SLIT2: variants seen among roughly 807,000 people sequenced by gnomAD.
SLIT2 encodes slit homolog 2 protein.
SLIT2 carries 41 observed loss-of-function variants against 185.7 expected under a neutral mutation model. That is an observed-to-expected ratio of 0.22 (90% CI 0.17 to 0.29). The LOEUF (loss-of-function observed/expected upper bound fraction) is 0.29, where lower values mean the gene tolerates loss of function less well. Among genes scored for constraint, SLIT2 ranks in the 10% least tolerant of loss-of-function variants. The pLI, the probability that SLIT2 is intolerant of heterozygous loss-of-function variation, is 1.00. For synonymous variants in SLIT2, 693 were observed against 680.2 expected, an observed-to-expected ratio of 1.02 and a Z score of -0.29; for missense variants, 1,571 against 1,909.0, an observed-to-expected ratio of 0.82 and a Z score of 3.30.
At position 20,617,011 on chromosome 4, in the gene SLIT2, C is replaced by T; in HGVS notation, c.3949C>T (p.Leu1317=). 1 of 1,614,178 alleles carries T rather than the reference C, an allele frequency of 6.2e-7. No individual in the cohort carries two copies. Among genetic ancestry groups the T allele is most frequent in the Non-Finnish European group, 8.5e-7 (1 of 1,180,030 alleles). The change falls in exon 35 of 37, where the codon CTG becomes TTG. Residue 1317 remains leucine (L), a synonymous_variant. Coordinates refer to ENST00000504154, the MANE Select transcript of SLIT2 (RefSeq NM_004787.4). The part of the protein sequence containing the change: ...CIRNLYINSE[L]QDFQKVPMQT... ...CCGGAACCTTTACATCAACAGTGAG[C>T]TGCAGGACTTCCAGAAGGTGCCGAT...
chr4:20,477,024 A>G (rs1716175095), intron 5 of SLIT2, among the ~76,000 whole-genome samples: 1 of 152,108 alleles, frequency 6.6e-6, no homozygotes, highest in South Asian at 2.1e-4. Flanking sequence ...TGAGGCATAC[A>G]GTGGTATCTC....
intron 29 of SLIT2, among the ~76,000 whole-genome samples, chr4:20,573,651 T>G (rs1007111519): frequency 4.6e-5 from 7 of 152,176 alleles, no homozygotes; most frequent in Non-Finnish European, 1.0e-4. Context: ...TAGATAAGGC[T>G]GTAGATAGAA....
intron 29 of SLIT2, among the ~76,000 whole-genome samples, chr4:20,579,817 CATT>C (rs1726387490): frequency 6.6e-6 from 1 of 151,420 alleles, no homozygotes; most frequent in Admixed American, 6.6e-5. Flanking sequence ...ATACTATCTT[CATT>C]ATTCATTCAT....
Position 20,466,706 on chromosome 4 carries a change from A to G in SLIT2, c.396-1046A>G, listed in dbSNP as rs150520004. Reference sequence around the variant, plus strand: ...GGAGAGGATGTGGATGAGTCTGTCCAATATGCCTTCTCATATTGGAAAATG... The same window carrying G: ...GGAGAGGATGTGGATGAGTCTGTCCGATATGCCTTCTCATATTGGAAAATG... On this transcript the variant is annotated intron_variant, in intron 4 of 36. Transcript: ENST00000504154. Among the ~76,000 whole-genome samples, 23 of 152,258 alleles carry G rather than the reference A, an allele frequency of 1.5e-4. No individual in the cohort carries two copies. In the East Asian group the frequency reaches 4.4e-3, roughly 29 times the overall value.
rs539871215 is a variant in SLIT2, at chr4:20,456,554, C to T, written c.396-11198C>T. Among the ~76,000 whole-genome samples the T allele has an allele frequency of 3.5e-3, 527 of 152,206 alleles. 3 individuals are homozygous for T. The highest frequency in any genetic ancestry group is 2.5e-3 in the Non-Finnish European group (173 of 67,998). On this transcript the variant is annotated intron_variant, in intron 4 of 36. Coordinates refer to ENST00000504154, the MANE Select transcript of SLIT2 (RefSeq NM_004787.4). The stretch of plus-strand genomic sequence containing the variant: ...ATGTCATCCTGGGTTGATGTCTGCT[C>T]TTTACTCACATATGCATGGCTGATC...
chr4:20,616,838 C>G, intron 34 of SLIT2, 72 bp from the exon 35 acceptor site: 2 of 1,488,386 alleles, frequency 1.3e-6, no homozygotes, highest in Non-Finnish European at 1.8e-6. Context: ...TCCCAAGCAT[C>G]AGTATTTCTG....
At chr4:20,500,718 AT>A (rs1718653540) in intron 9 of SLIT2, among the ~76,000 whole-genome samples, 1 of 152,268 alleles carries the variant, frequency 6.6e-6, no homozygotes, top group African/African-American at 2.4e-5. Context: ...AATTCTTTTA[AT>A]TTTTTTGTAG....
At chr4:20,559,665 A>T (rs2148902976) in intron 26 of SLIT2, among the ~76,000 whole-genome samples, 1 of 152,080 alleles carries the variant, frequency 6.6e-6, no homozygotes, top group East Asian at 1.9e-4. Flanking sequence ...CCATTCTTAT[A>T]GTGAAAACTA....
intron 4 of SLIT2, among the ~76,000 whole-genome samples, chr4:20,341,528 C>G (rs1720963986): frequency 6.6e-6 from 1 of 152,194 alleles, no homozygotes; most frequent in Non-Finnish European, 1.5e-5. Flanking sequence ...TCCACACGAA[C>G]CAGGAGCAGC....
rs1191025385 is a variant in SLIT2, at chr4:20,472,255, G to GATATAGATCTATAT, written c.467+4434_467+4435insATAGATCTATATAT. 3.2e-4 allele frequency among the ~76,000 whole-genome samples: 7 copies of GATATAGATCTATAT among 21,894 alleles called. 1 individual carries two copies. Among genetic ancestry groups the GATATAGATCTATAT allele is most frequent in the African/African-American group, 1.1e-3 (7 of 6,558 alleles). 14.4% of individuals were successfully genotyped at this position (21,894 alleles called of 152,430 possible). Reference sequence around the variant, plus strand: ...ATATAGATCTATATATCTATATATAGATCTATATATAGATATATATCTATA... The same window carrying GATATAGATCTATAT: ...ATATAGATCTATATATCTATATATAGATATAGATCTATATATCTATATATAGATATATATCTATA... On this transcript the variant is annotated intron_variant, in intron 5 of 36. Coordinates refer to ENST00000504154, the MANE Select transcript of SLIT2 (RefSeq NM_004787.4).
At chr4:20,378,055 GTAT>G (rs1338862167) in intron 4 of SLIT2, among the ~76,000 whole-genome samples, 1 of 152,036 alleles carries the variant, frequency 6.6e-6, no homozygotes, top group Admixed American at 6.6e-5. Context: ...ATTATGATAT[GTAT>G]TATTATACTG....
At chr4:20,573,250 G>C in intron 29 of SLIT2, 1 of 702,872 alleles carries the variant, frequency 1.4e-6, no homozygotes, top group Non-Finnish European at 2.6e-6. Context: ...ATCTGAATGA[G>C]GTGGAAAAAG....
intron 1 of SLIT2, among the ~76,000 whole-genome samples, chr4:20,256,316 TG>T (rs71181554): frequency 1.3e-5 from 2 of 149,430 alleles, no homozygotes; most frequent in Non-Finnish European, 3.0e-5. Flanking sequence ...ACTTTTTTTT[TG>T]GGGGGGGTGC....
rs1722076127 is a variant in SLIT2 at position 20,251,969 on chromosome 4, T to TGCC, written c.-1844_-1842dup. Among the ~76,000 whole-genome samples, 1 of 151,828 alleles carries TGCC rather than the reference T, an allele frequency of 6.6e-6. No homozygotes were observed. ...GCTTGGCGGCGGCGGTGGTGGTGGC[T>TGCC]GCCGCAGACTGTGGTTAAAAAAAAG... On this transcript the variant is annotated 5_prime_UTR_variant, in exon 1 of 37. Coordinates refer to ENST00000504154, the MANE Select transcript of SLIT2 (RefSeq NM_004787.4).
At chr4:20,475,849 G>T (rs538950847) in intron 5 of SLIT2, among the ~76,000 whole-genome samples, 15 of 152,134 alleles carry the variant, frequency 9.9e-5, no homozygotes, top group African/African-American at 3.1e-4. Context: ...GCTATCTGTT[G>T]CTTCTTCCCC....
intron 4 of SLIT2, among the ~76,000 whole-genome samples, chr4:20,418,453 T>C (rs1481791178): frequency 6.6e-6 from 1 of 152,206 alleles, no homozygotes; most frequent in African/African-American, 2.4e-5. Flanking sequence ...TGAAACGTTT[T>C]TGTATTATTC....
rs536758747 is a variant in SLIT2 at position 20,305,163 on chromosome 4, A to T, written c.395+36282A>T. 2.6e-5 allele frequency among the ~76,000 whole-genome samples: 4 copies of T among 152,238 alleles called. No individual in the cohort carries two copies. The East Asian group carries it at 7.7e-4, about 29-fold the overall frequency. The stretch of plus-strand genomic sequence containing the variant: ...GCTGCTGCTAAACTGGTAACTCTCC[A>T]TGTGGCTCTGCTTTTTATTTTTGCT... On this transcript the variant is annotated intron_variant, in intron 4 of 36. Coordinates refer to ENST00000504154, the MANE Select transcript of SLIT2 (RefSeq NM_004787.4).
intron 4 of SLIT2, among the ~76,000 whole-genome samples, chr4:20,432,830 G>A (rs1365903648): frequency 1.3e-5 from 2 of 152,126 alleles, no homozygotes; most frequent in African/African-American, 4.8e-5. Flanking sequence ...ATAAATGTGA[G>A]GGGTGTGTTC....
At position 20,254,535 on chromosome 4, in the gene SLIT2, T is replaced by TCTCACAGGTCGCGGGGAGAAGGGTGCCC. The variant is rs1711553688; in HGVS notation, c.179+543_179+570dup. Among the ~76,000 whole-genome samples, 1 of 151,940 alleles carries TCTCACAGGTCGCGGGGAGAAGGGTGCCC rather than the reference T, an allele frequency of 6.6e-6. No individual in the cohort carries two copies. Among genetic ancestry groups the TCTCACAGGTCGCGGGGAGAAGGGTGCCC allele is most frequent in the Admixed American group, 6.5e-5 (1 of 15,272 alleles). On this transcript the variant is annotated intron_variant, in intron 1 of 36. Transcript: ENST00000504154. This position sits in a 1 kb window ranked among gnomAD's most constrained non-coding sequence, Gnocchi z 5.1. ...GGGTCATGGAGTGCCTGGGGGTGCT[T>TCTCACAGGTCGCGGGGAGAAGGGTGCCC]CTCACAGGTCGCGGGGAGAAGGGTG...
Sources: gnomAD v4.1 joint callset for allele counts (sites outside exome capture counted in the v4.1 genomes callset) on GRCh38, gnomAD v4.1.1 for gene constraint, Gnocchi (gnomAD v3.1) non-coding constraint, MANE v1.5 for transcripts, NCBI Gene and HGNC (gene_info 2026-07-23, HGNC 2026-07-21) for gene names.